The following SRCAP variants were observed in gnomAD, a reference collection of about 807,000 sequenced individuals.
SRCAP encodes Snf2 related CREBBP activator protein.
A neutral mutation model predicts 263.1 loss-of-function variants in SRCAP; 46 were observed. That is an observed-to-expected ratio of 0.17 (90% CI 0.14 to 0.22). The LOEUF (loss-of-function observed/expected upper bound fraction) is 0.22, where lower values mean the gene tolerates loss of function less well. Ranked by LOEUF, SRCAP falls within the 10% of genes least tolerant of loss-of-function variation. The pLI, the probability that SRCAP is intolerant of heterozygous loss-of-function variation, is 1.00. For synonymous variants in SRCAP, 1,813 were observed against 1,662.1 expected (o/e 1.09, Z -2.21); for missense variants, 3,695 against 4,181.9 (o/e 0.88, Z 3.21).
intron 16 of SRCAP, among the ~76,000 whole-genome samples, 194 bp downstream of exon 16, chr16:30,713,905 T>G (rs1363922374): frequency 1.3e-5 from 2 of 151,262 alleles, no homozygotes; most frequent in African/African-American, 2.4e-5. Context: ...ATTCTGTTTT[T>G]TTTTTTTTTT....
At position 30,733,162 on chromosome 16, in the gene SRCAP, G is replaced by C; in HGVS notation, c.6128-118G>C. The C allele has an allele frequency of 8.4e-7, 1 of 1,191,720 alleles. No individual in the cohort carries two copies. Among genetic ancestry groups the C allele is most frequent in the Non-Finnish European group, 1.2e-6 (1 of 841,580 alleles). The allele number at this position is 1,191,720 out of a possible 1,614,324, so 73.8% of individuals were successfully genotyped here. A position where few individuals can be genotyped will look rare whatever the true frequency, so the allele number is the denominator to read the frequency against. Reference sequence around the variant, plus strand: ...TAGTTAAACATTTTTGATCTGCTAGGCTAATTGAAACTTTGGCTTAAAGCA... The same window carrying C: ...TAGTTAAACATTTTTGATCTGCTAGCCTAATTGAAACTTTGGCTTAAAGCA... On this transcript the variant is annotated intron_variant, in intron 27 of 33. Transcript: ENST00000262518. The surrounding 1 kb of genome is among the most constrained non-coding windows in gnomAD (Gnocchi z 5.3).
chr16:30,711,442 TC>T lies in SRCAP; in HGVS notation c.1319-128del. Reference sequence around the variant, plus strand: ...TTGCTAGCTGATGCTGAAAGTAAGCTCTTTTGCCTCCCCTCAGACCTGGGCC... The same window carrying T: ...TTGCTAGCTGATGCTGAAAGTAAGCTTTTTGCCTCCCCTCAGACCTGGGCC... On this transcript the variant is annotated intron_variant, in intron 10 of 33. Coordinates refer to ENST00000262518, the MANE Select transcript of SRCAP (RefSeq NM_006662.3). 4 of 921,422 alleles carry T rather than the reference TC, an allele frequency of 4.3e-6. No homozygotes were observed. The South Asian group carries it at 7.2e-5, about 17-fold the overall frequency. 57.1% of individuals were successfully genotyped at this position (921,422 alleles called of 1,614,324 possible). A position where few individuals can be genotyped will look rare whatever the true frequency, so the allele number is the denominator to read the frequency against.
intron 3 of SRCAP, among the ~76,000 whole-genome samples, chr16:30,702,545 C>A (rs2052777719): frequency 7.0e-6 from 1 of 143,244 alleles, no homozygotes; most frequent in African/African-American, 2.6e-5. Context: ...TGTTTTCCAC[C>A]CTCCTTCCCT....
intron 27 of SRCAP, among the ~76,000 whole-genome samples, chr16:30,730,652 G>A (rs1177784799): frequency 1.3e-5 from 2 of 151,518 alleles, no homozygotes; most frequent in East Asian, 1.9e-4. Context: ...GGCTGGTCTC[G>A]ATCTCCTGAC....
Position 30,737,303 on chromosome 16 carries a change from C to A in SRCAP, c.7263C>A (p.Arg2421=), listed in dbSNP as rs74947321. Residue 2421 remains arginine, a synonymous_variant, in exon 34 of 34, where the codon CGC becomes CGA. Transcript: ENST00000262518. The part of the protein sequence containing the change: ...HTPVISAHQT[R]STTTPPRCSP... ...CTGTCATATCCGCCCATCAAACTCG[C>A]AGCACCACCACACCACCCCGCTGCA... 3,820 of 1,614,060 alleles carry A rather than the reference C, an allele frequency of 2.4e-3. 67 individuals carry two copies. In the African/African-American group the frequency reaches 0.043, roughly 18 times the overall value.
In SRCAP at chr16:30,720,329, C is replaced by A; in HGVS notation, c.2985C>A (p.Asn995Lys). The A allele has an allele frequency of 1.2e-6, 2 of 1,613,184 alleles. No homozygotes were observed. Among genetic ancestry groups the A allele is most frequent in the African/African-American group, 1.3e-5 (1 of 75,034 alleles). ...PRPKPVKMKVNRMLQPVPKQE... is the reference protein window; with the variant it reads ...PRPKPVKMKVKRMLQPVPKQE... Reference sequence around the variant, plus strand: ...CCAAGCCAGTCAAGATGAAGGTCAACAGGTACAAGGACTAAGGAATGAGGG... The same window carrying A: ...CCAAGCCAGTCAAGATGAAGGTCAAAAGGTACAAGGACTAAGGAATGAGGG... Residue 995 changes from asparagine (N) to lysine (K), a missense_variant and splice_region_variant, in exon 19 of 34, where the codon AAC (asparagine) becomes AAA (lysine). This residue lies in a region of SRCAP where 147 missense variants were observed against 212.7 expected (regional missense o/e 0.69). Transcript: ENST00000262518.
At position 30,709,891 on chromosome 16, in the gene SRCAP, T is replaced by C; in HGVS notation, c.897T>C (p.Asp299=). ...FQPQEDEEED[D]EETIEVEEQQ... Reference sequence around the variant, plus strand: ...CCCAAGAGGATGAGGAAGAGGATGATGAGGAAACGATTGAAGTTGAAGAAC... The same window carrying C: ...CCCAAGAGGATGAGGAAGAGGATGACGAGGAAACGATTGAAGTTGAAGAAC... The change falls in exon 8 of 34, where the codon GAT becomes GAC. Residue 299 remains aspartate, a synonymous_variant. Coordinates refer to ENST00000262518, the MANE Select transcript of SRCAP (RefSeq NM_006662.3). 1 of 1,613,896 alleles carries C rather than the reference T, an allele frequency of 6.2e-7. No homozygotes were observed. Among genetic ancestry groups the C allele is most frequent in the Non-Finnish European group, 8.5e-7 (1 of 1,179,888 alleles).
Position 30,699,680 on chromosome 16 carries a change from C to T in SRCAP, c.-283-228C>T, listed in dbSNP as rs2052743864. Among the ~76,000 whole-genome samples the T allele has an allele frequency of 2.0e-5, 3 of 152,156 alleles. No individual in the cohort carries two copies. In the South Asian group the frequency reaches 6.2e-4, roughly 32 times the overall value. On this transcript the variant is annotated intron_variant, in intron 1 of 33. Coordinates refer to ENST00000262518, the MANE Select transcript of SRCAP (RefSeq NM_006662.3). ...TTGTCTTCCATTCTGTGGTTGGAGC[C>T]TTTACACTTAAAATTTTTGAACTTT...
chr16:30,708,133 T>C (rs1207817037), intron 6 of SRCAP, among the ~76,000 whole-genome samples: 1 of 152,242 alleles, frequency 6.6e-6, no homozygotes, highest in African/African-American at 2.4e-5. Flanking sequence ...TTCTTTTGTA[T>C]ATCTCTGTCC....
In SRCAP at chr16:30,707,365, G is replaced by A. The variant is rs369720428; in HGVS notation, c.489G>A (p.Arg163=). 22 of 1,613,758 alleles carry A rather than the reference G, an allele frequency of 1.4e-5. No homozygotes were observed. The African/African-American group carries it at 2.7e-4, about 20-fold the overall frequency. The change falls in exon 5 of 34, where the codon CGG becomes CGA. Residue 163 remains arginine (R), a synonymous_variant. Transcript: ENST00000262518. ...QERRWKRGVA[R]KVVRMVIRHH... is the part of the protein sequence containing the mutation. ...GCCGTTGGAAACGGGGTGTGGCCCG[G>A]AAGGTAGGTCTTCCGCTGGGACTTC...
At chr16:30,700,524 T>C (rs996294102) in intron 2 of SRCAP, 92 bp from the exon 3 acceptor site, 1 of 282,318 alleles carries the variant, frequency 3.5e-6, no homozygotes, top group East Asian at 6.3e-5. Context: ...GTGTTTCTCT[T>C]TATTCAGTGT....
At position 30,737,920 on chromosome 16, in the gene SRCAP, C is replaced by G. The variant is rs771606388; in HGVS notation, c.7880C>G (p.Ser2627Cys). Residue 2627 changes from serine (S) to cysteine (C), a missense_variant, in exon 34 of 34, where the codon TCT becomes TGT. By Grantham distance (112) the Ser-to-Cys change is moderately radical (BLOSUM62 -1). Transcript: ENST00000262518. Reference protein sequence around the residue: ...PNGQEQEAPDSAEGTTLTVLP... With the variant: ...PNGQEQEAPDCAEGTTLTVLP... ...GGTCAAGAGCAGGAGGCACCAGATT[C>G]TGCTGAGGGGACCACCCTTACAGTG... 1 of 1,614,220 alleles carries G rather than the reference C, an allele frequency of 6.2e-7. No homozygotes were observed. Among genetic ancestry groups the G allele is most frequent in the Admixed American group, 1.7e-5 (1 of 60,026 alleles).
chr16:30,728,856 T>G, intron 25 of SRCAP, 110 bp from the exon 26 acceptor site: 5 of 1,314,076 alleles, frequency 3.8e-6, no homozygotes, highest in Non-Finnish European at 5.1e-6. Context: ...GCATAGTGTA[T>G]TTTTGGATCC....
chr16:30,703,165 A>ATATATATATATATG (rs1161050920), intron 3 of SRCAP, among the ~76,000 whole-genome samples: 3 of 151,074 alleles, frequency 2.0e-5, no homozygotes, highest in African/African-American at 7.3e-5. Flanking sequence ...ATATATATAT[A>ATATATATATATATG]TATGTATGTA....
intron 19 of SRCAP, 144 bp downstream of exon 19, chr16:30,720,475 A>G: frequency 9.1e-7 from 1 of 1,095,656 alleles, no homozygotes; most frequent in African/African-American, 1.6e-5. Flanking sequence ...GGAATCAGGG[A>G]GAGAATAACT....
At position 30,738,343 on chromosome 16, in the gene SRCAP, G is replaced by GGCA. The variant is rs760604791; in HGVS notation, c.8309_8311dup (p.Gln2770dup). The GGCA allele has an allele frequency of 3.2e-6, 5 of 1,570,822 alleles. No homozygotes were observed. The highest frequency in any genetic ancestry group is 2.2e-5 in the East Asian group (1 of 44,552). ...GAAAAGGAACTGGTGCGGCGGCGGC[G>GGCA]GCAGCAGCGGGGAGCTGCCAGCACC... On this transcript the variant is annotated inframe_insertion, in exon 34 of 34. Coordinates refer to ENST00000262518, the MANE Select transcript of SRCAP (RefSeq NM_006662.3).
chr16:30,713,433 G>T, intron 15 of SRCAP, 56 bp downstream of exon 15: 1 of 1,611,628 alleles, frequency 6.2e-7, no homozygotes, highest in African/African-American at 1.3e-5. Context: ...AGGGAGGGCT[G>T]CCTGGGTTGA....
chr16:30,739,073 C>G lies in SRCAP; in HGVS notation c.9033C>G (p.Pro3011=). 1 of 1,614,240 alleles carries G rather than the reference C, an allele frequency of 6.2e-7. No homozygotes were observed. The highest frequency in any genetic ancestry group is 1.3e-5 in the African/African-American group (1 of 75,064). ...CCAAACGGAAGAGGGGCCGACCTCC[C>G]AAGAATCCTCCATCACCTCGGCCCA... ...SPPKRKRGRP[P]KNPPSPRPSQ... The change falls in exon 34 of 34, where the codon CCC becomes CCG. Residue 3011 remains proline, a synonymous_variant. Coordinates refer to ENST00000262518, the MANE Select transcript of SRCAP (RefSeq NM_006662.3).
chr16:30,714,376 A>T (rs1295407300), intron 16 of SRCAP, among the ~76,000 whole-genome samples: 2 of 149,508 alleles, frequency 1.3e-5, no homozygotes, highest in Non-Finnish European at 3.0e-5. Context: ...CGCCCGGCTA[A>T]TTTTTTGTAT....
Sources: allele counts gnomAD v4.1 joint callset (sites outside exome capture counted in the v4.1 genomes callset), GRCh38; gene constraint gnomAD v4.1.1; regional missense constraint gnomAD v4.1.1; non-coding constraint Gnocchi (gnomAD v3.1); transcripts MANE v1.5; gene names NCBI Gene and HGNC (gene_info 2026-07-23, HGNC 2026-07-21).